Variants in ALG5 observed in about 807,000 individuals in gnomAD.
ALG5 encodes ALG5 dolichyl-phosphate beta-glucosyltransferase, also known as dolichyl-phosphate beta-glucosyltransferase.
A neutral mutation model predicts 51.8 loss-of-function variants in ALG5; 26 were observed. The ratio of observed to expected loss-of-function variants is 0.50; its 90% CI spans 0.37 to 0.70. ALG5 has a LOEUF of 0.70. Ranked by LOEUF, ALG5 falls within the 30% of genes least tolerant of loss-of-function variation. ALG5 has a pLI of 0.00. For missense variants in ALG5, 311 were observed against 399.3 expected (o/e 0.78, Z 1.88); for synonymous variants, 141 against 136.1 (o/e 1.04, Z -0.25).
At chr13:36,967,845 A>G in intron 7 of ALG5, 1 of 1,174,846 alleles carries the variant, frequency 8.5e-7, no homozygotes, top group Non-Finnish European at 1.1e-6. Context: ...AAGATAGAAA[A>G]ATAAAAATTA....
At chr13:36,997,694 T>C (rs948376974) in intron 1 of ALG5, among the ~76,000 whole-genome samples, 4 of 152,124 alleles carry the variant, frequency 2.6e-5, no homozygotes, top group Non-Finnish European at 4.4e-5. Flanking sequence ...GTGACCACTT[T>C]ATTGTGGTAT....
At chr13:36,998,930 A>C in intron 1 of ALG5, 1 of 290,080 alleles carries the variant, frequency 3.4e-6, no homozygotes, top group Non-Finnish European at 6.4e-6. Flanking sequence ...GGAGGTGGGT[A>C]GGGGGCGCGG....
chr13:36,967,976 A>G lies in ALG5; in HGVS notation c.622-2250T>C, dbSNP rs142278961. On this transcript the variant is annotated intron_variant, in intron 7 of 9. Coordinates refer to ENST00000239891, the MANE Select transcript of ALG5 (RefSeq NM_013338.5). ...CTGCTCTGGCTTGGATGTTAATAAC[A>G]GGATTTTTGTTTGCTTTAGGATAAT... is the stretch of plus-strand genomic sequence containing the variant. 565 of 317,988 alleles carry G rather than the reference A, an allele frequency of 1.8e-3. 1 individual carries two copies. The highest frequency in any genetic ancestry group is 2.7e-3 in the Non-Finnish European group (473 of 174,294). The allele number at this position is 317,988 out of a possible 1,614,324, so 19.7% of individuals were successfully genotyped here. A position where few individuals can be genotyped will look rare whatever the true frequency, so the allele number is the denominator to read the frequency against.
intron 4 of ALG5, among the ~76,000 whole-genome samples, chr13:36,991,041 A>G (rs900019683): frequency 2.0e-5 from 3 of 152,232 alleles, no homozygotes; most frequent in African/African-American, 7.2e-5. Context: ...AGCATCACAT[A>G]TGAGTTCCTT....
intron 5 of ALG5, 96 bp downstream of exon 5, chr13:36,989,388 C>A: frequency 1.2e-6 from 1 of 827,708 alleles, no homozygotes; most frequent in Admixed American, 2.4e-5. Context: ...ACTTGAAATG[C>A]TGGTATTCAA....
At chr13:36,993,481 A>G (rs1422277197) in intron 4 of ALG5, 123 bp downstream of exon 4, 3 of 784,546 alleles carry the variant, frequency 3.8e-6, no homozygotes, top group South Asian at 1.5e-5. Context: ...TATCTAGACT[A>G]TAACAATGGA....
At chr13:36,999,032 A>ATAAGAT in intron 1 of ALG5, 1 of 439,916 alleles carries the variant, frequency 2.3e-6, no homozygotes, top group East Asian at 3.6e-5. Flanking sequence ...ACACAAAGAG[A>ATAAGAT]TAAGATTCCA....
intron 5 of ALG5, 97 bp downstream of exon 5, chr13:36,989,387 G>T: frequency 1.2e-6 from 1 of 815,288 alleles, no homozygotes; most frequent in Non-Finnish European, 2.0e-6. Flanking sequence ...AACTTGAAAT[G>T]CTGGTATTCA....
intron 6 of ALG5, among the ~76,000 whole-genome samples, chr13:36,973,457 A>G (rs892625382): frequency 6.6e-6 from 1 of 152,236 alleles, no homozygotes. Context: ...GTTGGACTTG[A>G]GCTTCTTAAC....
At chr13:36,952,119 C>T (rs892956665) in intron 9 of ALG5, among the ~76,000 whole-genome samples, 3 of 152,076 alleles carry the variant, frequency 2.0e-5, no homozygotes, top group African/African-American at 7.2e-5. Context: ...TTTAGCTTTG[C>T]ATAGTGGTTT....
rs1187458737 is a variant in ALG5, at chr13:36,965,739, A to G, written c.622-13T>C. ...GGAAGTAAGAACGCTGAAAACAAAG[A>G]CAAAATATAAATGACTTTTCCATTC... On this transcript the variant is annotated splice_polypyrimidine_tract_variant and intron_variant, in intron 7 of 9. Coordinates refer to ENST00000239891, the MANE Select transcript of ALG5 (RefSeq NM_013338.5). 1 of 1,605,092 alleles carries G rather than the reference A, an allele frequency of 6.2e-7. No individual in the cohort carries two copies. Among genetic ancestry groups the G allele is most frequent in the Non-Finnish European group, 8.5e-7 (1 of 1,176,832 alleles).
At chr13:36,988,674 G>A (rs1476464780) in intron 5 of ALG5, among the ~76,000 whole-genome samples, 1 of 152,136 alleles carries the variant, frequency 6.6e-6, no homozygotes, top group Non-Finnish European at 1.5e-5. Context: ...AAGACACTGT[G>A]AAGAGGGCAA....
At chr13:36,973,877 A>AT (rs1160640427) in intron 6 of ALG5, among the ~76,000 whole-genome samples, 1 of 152,160 alleles carries the variant, frequency 6.6e-6, no homozygotes, top group African/African-American at 2.4e-5. Context: ...AAAACCTATA[A>AT]TTTTTTACCA....
intron 5 of ALG5, among the ~76,000 whole-genome samples, chr13:36,986,580 A>G (rs1408670316): frequency 1.3e-5 from 2 of 152,196 alleles, no homozygotes; most frequent in Middle Eastern, 3.2e-3. Context: ...TGGTATAATA[A>G]GCTAACTAGT....
chr13:36,960,888 G>A (rs927707085), intron 8 of ALG5, among the ~76,000 whole-genome samples: 5 of 151,510 alleles, frequency 3.3e-5, no homozygotes, highest in African/African-American at 4.9e-5. Flanking sequence ...CAAATGATCT[G>A]CCCAACTCAG....
intron 3 of ALG5, 76 bp from the exon 4 acceptor site, chr13:36,993,748 T>G: frequency 8.3e-7 from 1 of 1,207,422 alleles, no homozygotes; most frequent in Non-Finnish European, 1.2e-6. Context: ...ACCAGTAATT[T>G]AAAAAACAAC....
chr13:36,985,809 C>G (rs1247578870), intron 5 of ALG5, 69 bp from the exon 6 acceptor site: 1 of 1,027,740 alleles, frequency 9.7e-7, no homozygotes, highest in African/African-American at 1.6e-5. Context: ...ACACTTCAGT[C>G]TGTTCTACTT....
chr13:36,984,927 T>A (rs1412725398), intron 6 of ALG5, among the ~76,000 whole-genome samples: 3 of 152,130 alleles, frequency 2.0e-5, no homozygotes, highest in African/African-American at 7.2e-5. Flanking sequence ...ATGGCAGACC[T>A]CAGCAAGTTT....
At chr13:36,982,377 G>C (rs771796850) in intron 6 of ALG5, among the ~76,000 whole-genome samples, 7 of 152,240 alleles carry the variant, frequency 4.6e-5, no homozygotes, top group Non-Finnish European at 7.3e-5. Flanking sequence ...TCACTAGGTA[G>C]TTGTAAAAAC....
Sources: gnomAD v4.1 joint callset for allele counts (sites outside exome capture counted in the v4.1 genomes callset) on GRCh38, gnomAD v4.1.1 for gene constraint, MANE v1.5 for transcripts, NCBI Gene and HGNC (gene_info 2026-07-23, HGNC 2026-07-21) for gene names.